GFRA2: variants seen among roughly 807,000 people sequenced by gnomAD.
GFRA2 encodes GDNF family receptor alpha 2, also known as GDNF family receptor alpha-2.
Under a neutral mutation model 48.3 loss-of-function variants are expected in GFRA2, and 17 were observed. That is an observed-to-expected ratio of 0.35 (90% CI 0.24 to 0.53). The LOEUF (loss-of-function observed/expected upper bound fraction) is 0.53. GFRA2 is among the 20% of genes least tolerant of loss of function. The probability of loss-of-function intolerance (pLI) is 0.93; values close to 1 mark genes in which losing one functional copy is unlikely to be tolerated. For synonymous variants in GFRA2, 305 were observed against 257.2 expected, an observed-to-expected ratio of 1.19 and a Z score of -1.78; for missense variants, 660 against 637.3, an observed-to-expected ratio of 1.04 and a Z score of -0.38.
intron 4 of GFRA2, among the ~76,000 whole-genome samples, chr8:21,738,705 C>T (rs774005965): frequency 2.8e-4 from 43 of 152,194 alleles, no homozygotes; most frequent in Middle Eastern, 3.4e-3. Context: ...TAGTATAGGC[C>T]TACTCCTCCT....
At chr8:21,764,415 C>T (rs1585315172) in intron 3 of GFRA2, among the ~76,000 whole-genome samples, 1 of 152,378 alleles carries the variant, frequency 6.6e-6, no homozygotes, top group East Asian at 1.9e-4. Flanking sequence ...AAACCCTTGC[C>T]TTGGGGCTTA....
chr8:21,733,751 T>C (rs930863058), intron 4 of GFRA2, among the ~76,000 whole-genome samples: 1 of 152,172 alleles, frequency 6.6e-6, no homozygotes, highest in Non-Finnish European at 1.5e-5. Flanking sequence ...ATTGATGGGA[T>C]AGAGGCTGAG....
In GFRA2 at chr8:21,759,404, GAGAGAGAGGGAA is replaced by G. The variant is rs1402158925; in HGVS notation, c.440-8474_440-8463del. Reference sequence around the variant, plus strand: ...CTGGCTCAAAAAAGAAAGAAAGGAAGAGAGAGAGGGAAAGAGGGAAAGAGGGAAAGAGGGAGG... The same window carrying G: ...CTGGCTCAAAAAAGAAAGAAAGGAAGAGAGGGAAAGAGGGAAAGAGGGAGG... On this transcript the variant is annotated intron_variant, in intron 3 of 8. Coordinates refer to ENST00000524240, the MANE Select transcript of GFRA2 (RefSeq NM_001495.5). 4.2e-5 allele frequency among the ~76,000 whole-genome samples: 5 copies of G among 120,450 alleles called. No homozygotes were observed. In the East Asian group the frequency reaches 1.5e-3, roughly 36 times the overall value. The allele number at this position is 120,450 out of a possible 152,430, so 79.0% of individuals were successfully genotyped here.
intron 4 of GFRA2, among the ~76,000 whole-genome samples, chr8:21,717,103 C>T (rs1803373656): frequency 6.6e-6 from 1 of 152,182 alleles, no homozygotes; most frequent in South Asian, 2.1e-4. Flanking sequence ...CCTCACTGTG[C>T]GTCACTTGGC....
chr8:21,712,347 G>A (rs1803091182), intron 4 of GFRA2, among the ~76,000 whole-genome samples: 1 of 152,036 alleles, frequency 6.6e-6, no homozygotes. Flanking sequence ...GCCGGGCAGA[G>A]GCGCTCCTCA....
At chr8:21,765,541 C>G (rs1466927133) in intron 3 of GFRA2, among the ~76,000 whole-genome samples, 1 of 151,970 alleles carries the variant, frequency 6.6e-6, no homozygotes, top group Non-Finnish European at 1.5e-5. Context: ...TGAGACCCAG[C>G]CTCACTCTCC....
At chr8:21,773,110 A>G (rs1806515971) in intron 3 of GFRA2, among the ~76,000 whole-genome samples, 1 of 152,176 alleles carries the variant, frequency 6.6e-6, no homozygotes, top group Non-Finnish European at 1.5e-5. Context: ...TCCCAAGTGG[A>G]TTTCTATGCA....
At chr8:21,713,699 C>A (rs1488660336) in intron 4 of GFRA2, among the ~76,000 whole-genome samples, 1 of 152,150 alleles carries the variant, frequency 6.6e-6, no homozygotes, top group Non-Finnish European at 1.5e-5. Context: ...AATATAGATT[C>A]TCTAGCTCCA....
At chr8:21,735,896 C>T (rs1434550823) in intron 4 of GFRA2, among the ~76,000 whole-genome samples, 1 of 152,080 alleles carries the variant, frequency 6.6e-6, no homozygotes, top group African/African-American at 2.4e-5. Flanking sequence ...TGCTCTTGAA[C>T]TCCTGCCTCC....
upstream of GFRA2, among the ~76,000 whole-genome samples, chr8:21,793,870 T>C (rs1401523909): frequency 6.6e-6 from 1 of 151,408 alleles, no homozygotes; most frequent in Admixed American, 6.6e-5. Context: ...ATCAAAGTTT[T>C]TTTTTTTTTT....
At chr8:21,725,877 G>C (rs1202956848) in intron 4 of GFRA2, among the ~76,000 whole-genome samples, 1 of 152,200 alleles carries the variant, frequency 6.6e-6, no homozygotes, top group Non-Finnish European at 1.5e-5. Flanking sequence ...GGTTGGGTGT[G>C]GTAATGGCAG....
chr8:21,765,311 A>G (rs145027201), intron 3 of GFRA2, among the ~76,000 whole-genome samples: 1,646 of 151,950 alleles, frequency 0.011, 28 homozygotes, highest in African/African-American at 0.038. Context: ...GGGTTTTGCT[A>G]TGTTGCTCAG....
intron 2 of GFRA2, among the ~76,000 whole-genome samples, chr8:21,802,198 G>A (rs1807784560): frequency 6.6e-6 from 1 of 152,212 alleles, no homozygotes; most frequent in Non-Finnish European, 1.5e-5. Context: ...CTAGCTGCCT[G>A]GCTTTGGGAA....
chr8:21,714,702 A>G (rs1309970307), intron 4 of GFRA2, among the ~76,000 whole-genome samples: 2 of 152,154 alleles, frequency 1.3e-5, no homozygotes, highest in Non-Finnish European at 2.9e-5. Context: ...GAACAATCCC[A>G]CGAAGTAGCA....
intron 4 of GFRA2, among the ~76,000 whole-genome samples, chr8:21,711,008 C>T (rs1434843844): frequency 2.6e-5 from 4 of 152,222 alleles, no homozygotes; most frequent in African/African-American, 9.6e-5. Context: ...TCAGAGACCA[C>T]GTGGTATAAT....
rs1674614058 is a variant in GFRA2, at chr8:21,738,198, C to T, written c.794+12390G>A. 2.9e-5 allele frequency among the ~76,000 whole-genome samples: 3 copies of T among 104,034 alleles called. No homozygotes were observed. In the South Asian group the frequency reaches 1.5e-3, roughly 52 times the overall value. 68.3% of individuals were successfully genotyped at this position (104,034 alleles called of 152,430 possible). A position where few individuals can be genotyped will look rare whatever the true frequency, so the allele number is the denominator to read the frequency against. The stretch of plus-strand genomic sequence containing the variant: ...CTCCCCCGTTCCTCCTCCTCCCCCT[C>T]CTCCTCCTCCCCCTCCTCCTCCTCC... On this transcript the variant is annotated intron_variant, in intron 4 of 8. Coordinates refer to ENST00000524240, the MANE Select transcript of GFRA2 (RefSeq NM_001495.5).
At position 21,706,051 on chromosome 8, in the gene GFRA2, G is replaced by A; in HGVS notation, c.795-10C>T. 1 of 1,535,756 alleles carries A rather than the reference G, an allele frequency of 6.5e-7. No individual in the cohort carries two copies. The highest frequency in any genetic ancestry group is 1.4e-5 in the African/African-American group (1 of 73,090). Reference sequence around the variant, plus strand: ...GTCGGCCAGCCGGGACCTGGTGGTGGGTAGAAGACGCAATAGAGAAAACAG... The same window carrying A: ...GTCGGCCAGCCGGGACCTGGTGGTGAGTAGAAGACGCAATAGAGAAAACAG... On this transcript the variant is annotated splice_polypyrimidine_tract_variant and intron_variant, in intron 4 of 8. Transcript: ENST00000524240.
At chr8:21,770,263 T>C (rs1806380383) in intron 3 of GFRA2, among the ~76,000 whole-genome samples, 4 of 152,232 alleles carry the variant, frequency 2.6e-5, no homozygotes, top group African/African-American at 9.6e-5. Context: ...AGCCACAACC[T>C]GCCATCGAAC....
At chr8:21,746,410 G>A (rs1459042825) in intron 4 of GFRA2, among the ~76,000 whole-genome samples, 1 of 152,154 alleles carries the variant, frequency 6.6e-6, no homozygotes, top group Admixed American at 6.5e-5. Context: ...ATGCAGATGG[G>A]TGTGTTGGTG....
Sources: gnomAD v4.1 joint callset for allele counts (sites outside exome capture counted in the v4.1 genomes callset) on GRCh38, gnomAD v4.1.1 for gene constraint, MANE v1.5 for transcripts, NCBI Gene and HGNC (gene_info 2026-07-23, HGNC 2026-07-21) for gene names.